CCDC178: variants seen among roughly 807,000 people sequenced by gnomAD.
CCDC178 encodes coiled-coil domain-containing protein 178.
CCDC178 carries 126 observed loss-of-function variants against 117.4 expected under a neutral mutation model. That is an observed-to-expected ratio of 1.07 (90% confidence interval 0.93 to 1.24). The LOEUF (loss-of-function observed/expected upper bound fraction) is 1.24. Ranked by LOEUF, CCDC178 falls within the 50% of genes most tolerant of loss-of-function variation. The pLI is 0.00. For missense variants in CCDC178, 1,030 were observed against 986.9 expected (o/e 1.04, Z -0.59); for synonymous variants, 283 against 313.4 (o/e 0.90, Z 1.02).
intron 3 of CCDC178, among the ~76,000 whole-genome samples, chr18:33,400,494 C>T (rs1028570809): frequency 6.6e-6 from 1 of 152,212 alleles, no homozygotes; most frequent in African/African-American, 2.4e-5. Context: ...TCTGCATCAG[C>T]ACTTGCTGCT....
chr18:33,273,046 A>T (rs971163159), intron 12 of CCDC178, among the ~76,000 whole-genome samples: 1 of 151,196 alleles, frequency 6.6e-6, no homozygotes, highest in African/African-American at 2.4e-5. Flanking sequence ...TTAGGCAAAA[A>T]AAAAATAAAA....
At chr18:33,393,570 C>A (rs1295983320) in intron 4 of CCDC178, among the ~76,000 whole-genome samples, 1 of 151,934 alleles carries the variant, frequency 6.6e-6, no homozygotes, top group African/African-American at 2.4e-5. Context: ...TTGGACCTTG[C>A]AATAATGAAA....
intron 9 of CCDC178, among the ~76,000 whole-genome samples, chr18:33,340,604 T>C (rs543690937): frequency 2.0e-5 from 3 of 152,128 alleles, no homozygotes; most frequent in Non-Finnish European, 4.4e-5. Context: ...AGGGTCCCCA[T>C]GCTGTGTGCA....
chr18:33,084,072 A>G (rs943241454), intron 21 of CCDC178, among the ~76,000 whole-genome samples: 2 of 152,108 alleles, frequency 1.3e-5, no homozygotes, highest in Non-Finnish European at 2.9e-5. Context: ...TGCTTGGCAT[A>G]TTGGGACTTT....
At chr18:33,259,535 G>C (rs62093081) in intron 14 of CCDC178, among the ~76,000 whole-genome samples, 4,475 of 151,998 alleles carry the variant, frequency 0.029, 119 homozygotes, top group Non-Finnish European at 0.039. Flanking sequence ...TGGCTGAACA[G>C]GAGAGAGAGA....
At position 33,053,948 on chromosome 18, in the gene CCDC178, T is replaced by C. The variant is rs78304479; in HGVS notation, c.2388+38813A>G. Among the ~76,000 whole-genome samples, 359 of 152,284 alleles carry C rather than the reference T, an allele frequency of 2.4e-3. 1 individual carries two copies. Among genetic ancestry groups the C allele is most frequent in the African/African-American group, 8.3e-3 (345 of 41,578 alleles). On this transcript the variant is annotated intron_variant, in intron 21 of 22. Transcript: ENST00000383096. Reference sequence around the variant, plus strand: ...ATCCTTATAATGTAATGGTAAAATATTATTTTATGTTAAAATATAGTTTTC... The same window carrying C: ...ATCCTTATAATGTAATGGTAAAATACTATTTTATGTTAAAATATAGTTTTC...
intron 10 of CCDC178, among the ~76,000 whole-genome samples, chr18:33,324,804 C>A (rs2145015429): frequency 6.6e-6 from 1 of 151,662 alleles, no homozygotes; most frequent in East Asian, 1.9e-4. Flanking sequence ...AATGTCTATA[C>A]CTTTATAAGT....
At chr18:33,216,185 CT>C (rs1328469014) in intron 18 of CCDC178, among the ~76,000 whole-genome samples, 1 of 152,042 alleles carries the variant, frequency 6.6e-6, no homozygotes. Flanking sequence ...CCCACACAAA[CT>C]TGCTCCCCTT....
intron 3 of CCDC178, among the ~76,000 whole-genome samples, chr18:33,398,897 T>C (rs1599271134): frequency 6.6e-6 from 1 of 152,220 alleles, no homozygotes; most frequent in South Asian, 2.1e-4. Context: ...CTAAATATTG[T>C]TTATGTCTAA....
chr18:33,192,660 C>A (rs2625007), intron 20 of CCDC178, among the ~76,000 whole-genome samples: 1 of 150,418 alleles, frequency 6.6e-6, no homozygotes, highest in African/African-American at 2.4e-5. Context: ...TAGCACTTTG[C>A]GAGGCCGAGG....
chr18:33,436,551 T>C (rs760746033), intron 2 of CCDC178, among the ~76,000 whole-genome samples: 2 of 152,214 alleles, frequency 1.3e-5, no homozygotes, highest in African/African-American at 2.4e-5. Flanking sequence ...CCAGTTTGGA[T>C]TGATTGCAGT....
chr18:33,213,783 AAAAT>A (rs1472818917), intron 19 of CCDC178, among the ~76,000 whole-genome samples: 1 of 152,044 alleles, frequency 6.6e-6, no homozygotes, highest in Non-Finnish European at 1.5e-5. Flanking sequence ...AGCAATTATA[AAAAT>A]TAAATGAGGG....
intron 11 of CCDC178, among the ~76,000 whole-genome samples, chr18:33,305,649 A>G (rs1281734471): frequency 6.6e-6 from 1 of 152,034 alleles, no homozygotes; most frequent in Non-Finnish European, 1.5e-5. Flanking sequence ...CCTCTTAGTG[A>G]TTTTACTCTT....
chr18:33,226,883 G>T, intron 15 of CCDC178, 28 bp from the exon 16 acceptor site: 1 of 1,294,432 alleles, frequency 7.7e-7, no homozygotes, highest in Non-Finnish European at 1.1e-6. Flanking sequence ...TTTAAAATGA[G>T]GATTTTCTTC....
intron 22 of CCDC178, among the ~76,000 whole-genome samples, chr18:32,946,366 C>G (rs1208073573): frequency 6.6e-6 from 1 of 152,258 alleles, no homozygotes; most frequent in East Asian, 1.9e-4. Context: ...TCTCTTCATT[C>G]TGATTGCTTT....
At chr18:33,310,813 T>C (rs1318837822) in intron 11 of CCDC178, among the ~76,000 whole-genome samples, 1 of 152,228 alleles carries the variant, frequency 6.6e-6, no homozygotes, top group East Asian at 1.9e-4. Context: ...TAAGAATATT[T>C]GACATACAGT....
chr18:33,013,131 C>G (rs1332200121), intron 21 of CCDC178, among the ~76,000 whole-genome samples: 2 of 152,100 alleles, frequency 1.3e-5, no homozygotes, highest in Non-Finnish European at 2.9e-5. Flanking sequence ...ATCTAGAATA[C>G]TTTTATGAGG....
intron 20 of CCDC178, among the ~76,000 whole-genome samples, chr18:33,101,951 G>A (rs271486): frequency 0.14 from 21,629 of 151,696 alleles, 2,392 homozygotes; most frequent in African/African-American, 0.31. Flanking sequence ...TTTTATTGTC[G>A]TATCTATGTT....
intron 20 of CCDC178, among the ~76,000 whole-genome samples, chr18:33,178,834 T>C (rs1279854772): frequency 6.6e-6 from 1 of 151,524 alleles, no homozygotes; most frequent in African/African-American, 2.4e-5. Context: ...TGGGCCCCTA[T>C]TTTGATTTAG....
Sources: allele counts gnomAD v4.1 joint callset (sites outside exome capture counted in the v4.1 genomes callset), GRCh38; gene constraint gnomAD v4.1.1; transcripts MANE v1.5; gene names NCBI Gene and HGNC (gene_info 2026-07-23, HGNC 2026-07-21).